ZFHX3: variants seen among roughly 807,000 people sequenced by gnomAD.
The protein encoded by ZFHX3 is zinc finger homeobox protein 3.
Under a neutral mutation model 279.1 loss-of-function variants are expected in ZFHX3, and 42 were observed. The ratio of observed to expected loss-of-function variants is 0.15; its 90% CI spans 0.12 to 0.19. The LOEUF (loss-of-function observed/expected upper bound fraction) is 0.19, where lower values mean the gene tolerates loss of function less well. ZFHX3 is among the 10% of genes least tolerant of loss of function. The probability of loss-of-function intolerance (pLI) is 1.00; values close to 1 mark genes in which losing one functional copy is unlikely to be tolerated. For synonymous variants in ZFHX3, 2,293 were observed against 1,957.8 expected, an observed-to-expected ratio of 1.17 and a Z score of -4.52; for missense variants, 4,981 against 4,754.0, an observed-to-expected ratio of 1.05 and a Z score of -1.40.
At chr16:72,948,974 C>A (rs77088973) in intron 3 of ZFHX3, among the ~76,000 whole-genome samples, 2 of 152,082 alleles carry the variant, frequency 1.3e-5, no homozygotes, top group Non-Finnish European at 2.9e-5. Context: ...GGATTGGATG[C>A]GTGGTGTCCA....
At chr16:73,407,546 G>A (rs984663170) in intron 3 of ZFHX3, among the ~76,000 whole-genome samples, 2 of 152,184 alleles carry the variant, frequency 1.3e-5, no homozygotes, top group African/African-American at 4.8e-5. Flanking sequence ...TGACTTGCAA[G>A]AGACCACAGC....
intron 1 of ZFHX3, among the ~76,000 whole-genome samples, chr16:73,839,536 A>G (rs1303731834): frequency 6.6e-6 from 1 of 152,142 alleles, no homozygotes; most frequent in Non-Finnish European, 1.5e-5. Flanking sequence ...AAATCATCTT[A>G]GAAAAACATC....
intron 2 of ZFHX3, among the ~76,000 whole-genome samples, chr16:73,493,981 A>C (rs1163746167): frequency 6.6e-6 from 1 of 152,020 alleles, no homozygotes; most frequent in Non-Finnish European, 1.5e-5. Context: ...TCCTCCCCAG[A>C]GTGGCTTCTT....
chr16:73,728,019 C>CCCA (rs1555535422), intron 1 of ZFHX3, among the ~76,000 whole-genome samples: 2 of 95,974 alleles, frequency 2.1e-5, no homozygotes, highest in South Asian at 5.4e-4. Flanking sequence ...AATTGTGCCC[C>CCCA]CCCCCCGCCC....
At chr16:73,628,367 A>C (rs2052437926) in intron 2 of ZFHX3, among the ~76,000 whole-genome samples, 1 of 152,220 alleles carries the variant, frequency 6.6e-6, no homozygotes, top group Non-Finnish European at 1.5e-5. Context: ...TTCATAAAGC[A>C]ACCCTATTTT....
chr16:73,852,709 A>G (rs1332150838), intron 1 of ZFHX3, among the ~76,000 whole-genome samples: 1 of 152,146 alleles, frequency 6.6e-6, no homozygotes, highest in East Asian at 1.9e-4. Flanking sequence ...CCAGGCAAGA[A>G]AGCCTGGCAA....
At chr16:73,799,911 T>C (rs1960095070) in intron 1 of ZFHX3, among the ~76,000 whole-genome samples, 1 of 152,042 alleles carries the variant, frequency 6.6e-6, no homozygotes, top group Non-Finnish European at 1.5e-5. Context: ...AACAACGACT[T>C]AAGGCCAGGT....
intron 5 of ZFHX3, among the ~76,000 whole-genome samples, chr16:73,157,596 A>C (rs1019241183): frequency 6.6e-6 from 1 of 151,950 alleles, no homozygotes; most frequent in Non-Finnish European, 1.5e-5. Context: ...ATTGTTTCCA[A>C]TTTGGCTTAA....
At chr16:73,389,121 A>G (rs2016959678) in intron 3 of ZFHX3, 1 of 152,234 alleles carries the variant, frequency 6.6e-6, no homozygotes, top group South Asian at 2.1e-4. Context: ...CGGTGTTAGC[A>G]TAGCCTTTCC....
chr16:73,372,936 A>G (rs2016657248), intron 3 of ZFHX3, among the ~76,000 whole-genome samples: 1 of 152,196 alleles, frequency 6.6e-6, no homozygotes, highest in African/African-American at 2.4e-5. Flanking sequence ...TTCCTGGCTA[A>G]AATAAATAAC....
chr16:73,285,461 G>C (rs1224727773), intron 4 of ZFHX3, among the ~76,000 whole-genome samples: 1 of 152,218 alleles, frequency 6.6e-6, no homozygotes, highest in African/African-American at 2.4e-5. Context: ...TTCATACTCT[G>C]GGTTGACATT....
intron 1 of ZFHX3, among the ~76,000 whole-genome samples, chr16:73,757,113 G>A (rs1185263465): frequency 1.3e-5 from 2 of 152,142 alleles, no homozygotes; most frequent in Non-Finnish European, 2.9e-5. Flanking sequence ...AATCTGAAAC[G>A]GTGAGGGGCA....
intron 5 of ZFHX3, among the ~76,000 whole-genome samples, chr16:73,176,846 G>A (rs770361360): frequency 2.6e-5 from 4 of 151,932 alleles, no homozygotes; most frequent in Non-Finnish European, 5.9e-5. Flanking sequence ...ATGAGAACAA[G>A]CACAAGGCTT....
At position 72,927,953 on chromosome 16, in the gene ZFHX3, A is replaced by G. The variant is rs546578974; in HGVS notation, c.3216+22516T>C. Among the ~76,000 whole-genome samples, 286 of 145,732 alleles carry G rather than the reference A, an allele frequency of 2.0e-3. 1 individual carries two copies. Among genetic ancestry groups the G allele is most frequent in the African/African-American group, 6.9e-3 (268 of 38,790 alleles). ...GAGGACTAAGACTCAGTAATTGTTT[A>G]ATTCCTGCTGAAACCCACGGCCACT... On this transcript the variant is annotated intron_variant, in intron 3 of 9. Coordinates refer to ENST00000268489, the MANE Select transcript of ZFHX3 (RefSeq NM_006885.4).
chr16:73,253,967 C>A (rs371313221), intron 5 of ZFHX3, among the ~76,000 whole-genome samples: 4 of 152,260 alleles, frequency 2.6e-5, no homozygotes, highest in African/African-American at 9.6e-5. Flanking sequence ...GTTCAAATCT[C>A]CATCTAAGAT....
intron 3 of ZFHX3, among the ~76,000 whole-genome samples, chr16:72,899,297 G>A (rs1363410307): frequency 6.6e-6 from 1 of 152,110 alleles, no homozygotes; most frequent in East Asian, 1.9e-4. Context: ...TACCCCTGCT[G>A]CTGTTCTTGT....
At chr16:72,871,169 C>T (rs1164805371) in intron 4 of ZFHX3, among the ~76,000 whole-genome samples, 1 of 152,000 alleles carries the variant, frequency 6.6e-6, no homozygotes, top group African/African-American at 2.4e-5. Flanking sequence ...ATTATATCAA[C>T]ATTTTATTTA....
rs1046102579 is a variant in ZFHX3 at position 73,555,591 on chromosome 16, T to A, written c.-1546-99333A>T. Among the ~76,000 whole-genome samples the A allele has an allele frequency of 1.1e-4, 16 of 151,762 alleles. No homozygotes were observed. The East Asian group carries it at 1.8e-3, about 17-fold the overall frequency. On this transcript the variant is annotated intron_variant, in intron 2 of 17. Transcript: ENST00000641206. ...CACGCCTGTAATCCCAGCACTTTGG[T>A]AGGCCAAGATGGGTGGATTGCTTGA...
intron 1 of ZFHX3, among the ~76,000 whole-genome samples, chr16:73,805,101 C>T (rs1375214838): frequency 1.3e-5 from 2 of 152,154 alleles, no homozygotes; most frequent in East Asian, 1.9e-4. Flanking sequence ...CTAACTATAG[C>T]TCTGTCATTC....
Sources: gnomAD v4.1 joint callset for allele counts (sites outside exome capture counted in the v4.1 genomes callset) on GRCh38, gnomAD v4.1.1 for gene constraint, MANE v1.5 for transcripts, NCBI Gene and HGNC (gene_info 2026-07-23, HGNC 2026-07-21) for gene names.